The following SCAP variants were observed in gnomAD, a reference collection of about 807,000 sequenced individuals.
The protein encoded by SCAP is SREBF chaperone, also known as sterol regulatory element-binding protein cleavage-activating protein.
SCAP carries 65 observed loss-of-function variants against 123.6 expected under a neutral mutation model. The observed-to-expected ratio is 0.53, with a 90% CI of 0.43 to 0.65. The LOEUF is 0.65. Among genes scored for constraint, SCAP ranks in the 30% least tolerant of loss-of-function variants. The pLI is 0.00. For missense variants in SCAP, 1,398 were observed against 1,712.5 expected, an observed-to-expected ratio of 0.82 and a Z score of 3.24; for synonymous variants, 740 against 726.3, an observed-to-expected ratio of 1.02 and a Z score of -0.30.
At position 47,420,803 on chromosome 3, in the gene SCAP, T is replaced by C. The variant is rs1420037255; in HGVS notation, c.1345-31A>G. ...GGGGGCACAGTGGTCAGGGCCTGAGTCCACCATCCAGAGGCTGCTCGCACA... is the reference window on the plus strand; with the variant it reads ...GGGGGCACAGTGGTCAGGGCCTGAGCCCACCATCCAGAGGCTGCTCGCACA... On this transcript the variant is annotated intron_variant, in intron 11 of 22. Coordinates refer to ENST00000265565, the MANE Select transcript of SCAP (RefSeq NM_012235.4). The surrounding 1 kb of genome is among the most constrained non-coding windows in gnomAD (Gnocchi z 5.0). 6.2e-7 allele frequency: 1 copy of C among 1,603,518 alleles called. No individual in the cohort carries two copies. The highest frequency in any genetic ancestry group is 1.3e-5 in the African/African-American group (1 of 74,552).
intron 14 of SCAP, 37 bp downstream of exon 14, chr3:47,418,618 G>T (rs377014914): frequency 1.9e-5 from 9 of 469,584 alleles, no homozygotes; most frequent in Non-Finnish European, 2.7e-5. Flanking sequence ...CCCCCTCCCC[G>T]CACTCTTTCC....
At chr3:47,476,511 GAGA>G (rs1338992491), upstream of SCAP, among the ~76,000 whole-genome samples, 1 of 152,232 alleles carries the variant, frequency 6.6e-6, no homozygotes, top group Non-Finnish European at 1.5e-5. Flanking sequence ...AAATGCAGAT[GAGA>G]AGAATAAATA....
In SCAP at chr3:47,417,650, C is replaced by G. The variant is rs1339255701; in HGVS notation, c.2624G>C (p.Cys875Ser). The change falls in exon 17 of 23, where the codon TGC becomes TCC. Residue 875 changes from cysteine (C) to serine (S), a missense_variant. By Grantham distance (112) the Cys-to-Ser change is moderately radical. Transcript: ENST00000265565. The stretch of plus-strand genomic sequence containing the variant: ...CGCTGAAAAGTTGGTGTCAATTAAG[C>G]AGGTGAGGTCAGGCTGGTCCCCGAA... Reference protein sequence around the residue: ...SLFGDQPDLTCLIDTNFSAQP... With the variant: ...SLFGDQPDLTSLIDTNFSAQP... The G allele has an allele frequency of 6.2e-7, 1 of 1,608,338 alleles. No individual in the cohort carries two copies. Among genetic ancestry groups the G allele is most frequent in the East Asian group, 2.2e-5 (1 of 44,590 alleles).
In SCAP at chr3:47,413,999, A is replaced by G; in HGVS notation, c.3695T>C (p.Leu1232Pro). Reference sequence around the variant, plus strand: ...CTTCCCCAGGTAGACTGTCTGTAACAGGTCCCCGTAGTTTAGGTCCCAAAA... The same window carrying G: ...CTTCCCCAGGTAGACTGTCTGTAACGGGTCCCCGTAGTTTAGGTCCCAAAA... ...VSFWDLNYGD[L>P]LQTVYLGKNS... Residue 1232 changes from leucine to proline, a missense_variant, in exon 23 of 23, where the codon CTG (leucine) becomes CCG (proline). Leu to Pro is a moderately conservative substitution (Grantham distance 98). Around this residue, in one of 7 missense-constraint regions of SCAP, gnomAD observed 130 missense variants for 166.7 expected, o/e 0.78. Transcript: ENST00000265565. 6.2e-7 allele frequency: 1 copy of G among 1,613,306 alleles called. No individual in the cohort carries two copies. The highest frequency in any genetic ancestry group is 1.1e-5 in the South Asian group (1 of 91,092).
intron 20 of SCAP, 50 bp downstream of exon 20, chr3:47,414,777 C>A (rs1399146451): frequency 6.3e-7 from 1 of 1,598,790 alleles, no homozygotes; most frequent in Non-Finnish European, 8.5e-7. Context: ...CATCAGGCTC[C>A]CACCCCGTGC....
intron 1 of SCAP, among the ~76,000 whole-genome samples, chr3:47,472,450 A>T (rs894377541): frequency 5.1e-5 from 2 of 39,454 alleles, no homozygotes; most frequent in Non-Finnish European, 1.1e-4. Context: ...CAAAAAAAAA[A>T]AATAAAATAA....
Position 47,419,663 on chromosome 3 carries a change from GTC to G in SCAP, c.1603_1604del (p.Asp535ProfsTer20). ...VVWIGILVYTDPAGLRNYLAA... is the reference protein window; with the variant it reads ...VVWIGILVYTXPAGLRNYLAA... The stretch of plus-strand genomic sequence containing the variant: ...CGAGGTAGTTGCGCAGCCCTGCTGG[GTC>G]TGTGTATACCAGGATGCCAATCCAG... On this transcript the variant is annotated frameshift_variant, in exon 13 of 23. Transcript: ENST00000265565. LOFTEE classifies it high-confidence loss of function. The surrounding 1 kb of genome is among the most constrained non-coding windows in gnomAD (Gnocchi z 5.0). The G allele has an allele frequency of 6.4e-7, 1 of 1,554,006 alleles. No individual in the cohort carries two copies.
In SCAP at chr3:47,419,581, C is replaced by T. The variant is rs781460321; in HGVS notation, c.1687G>A (p.Val563Met). The T allele has an allele frequency of 9.3e-6, 15 of 1,610,446 alleles. No individual in the cohort carries two copies. The highest frequency in any genetic ancestry group is 4.5e-5 in the East Asian group (2 of 44,852). The change falls in exon 13 of 23, where the codon GTG (valine) becomes ATG (methionine). Residue 563 changes from valine (V) to methionine (M), a missense_variant. Val to Met is a conservative substitution (Grantham distance 21, BLOSUM62 1). Coordinates refer to ENST00000265565, the MANE Select transcript of SCAP (RefSeq NM_012235.4). The surrounding 1 kb of genome is among the most constrained non-coding windows in gnomAD (Gnocchi z 5.0). ...LGEGALAPMP[V>M]PSGMLPPSHP... is the part of the protein sequence containing the mutation. The stretch of plus-strand genomic sequence containing the variant: ...CTGGGGGGCAGCATGCCACTAGGCA[C>T]GGGCATGGGAGCCAGGGCTCCCTCA...
At chr3:47,461,277 T>A (rs1707631034) in intron 1 of SCAP, among the ~76,000 whole-genome samples, 1 of 152,202 alleles carries the variant, frequency 6.6e-6, no homozygotes, top group African/African-American at 2.4e-5. Flanking sequence ...TTCCCAAATA[T>A]TTGGTCAAAG....
chr3:47,422,628 T>C lies in SCAP; in HGVS notation c.1151-92A>G, dbSNP rs191811783. 492 of 1,097,696 alleles carry C rather than the reference T, an allele frequency of 4.5e-4. 3 individuals are homozygous for C. The African/African-American group carries it at 6.6e-3, about 15-fold the overall frequency. 68.0% of individuals were successfully genotyped at this position (1,097,696 alleles called of 1,614,324 possible). ...CATGGGCCTCGGAGTGGCAGAGGCA[T>C]GGCAAGGCCCCCCAGCCCTTTGAAG... On this transcript the variant is annotated intron_variant, in intron 9 of 22. Transcript: ENST00000265565.
chr3:47,455,594 C>CAAAAAAAAAA (rs544006040), intron 1 of SCAP, among the ~76,000 whole-genome samples: 21 of 42,340 alleles, frequency 5.0e-4, no homozygotes, highest in South Asian at 7.9e-4. Flanking sequence ...GACTCCACCT[C>CAAAAAAAAAA]AAAAAAAAAA....
chr3:47,462,012 C>T (rs758446082), intron 1 of SCAP, among the ~76,000 whole-genome samples: 2 of 151,948 alleles, frequency 1.3e-5, no homozygotes, highest in Non-Finnish European at 2.9e-5. Flanking sequence ...CCAGCCTGGG[C>T]GACAGAGTGA....
At chr3:47,424,599 T>A (rs1479106641) in intron 8 of SCAP, among the ~76,000 whole-genome samples, 1 of 152,176 alleles carries the variant, frequency 6.6e-6, no homozygotes, top group Admixed American at 6.5e-5. Flanking sequence ...AAAGTCTATG[T>A]GCGAGGAACG....
chr3:47,463,532 T>C (rs751037461), intron 1 of SCAP, among the ~76,000 whole-genome samples: 1 of 152,062 alleles, frequency 6.6e-6, no homozygotes, highest in Non-Finnish European at 1.5e-5. Flanking sequence ...TGAAACCTTG[T>C]GTCTACTAAA....
chr3:47,428,718 GAAGA>G, intron 3 of SCAP, 48 bp from the exon 4 acceptor site: 2 of 1,596,376 alleles, frequency 1.3e-6, no homozygotes, highest in African/African-American at 1.3e-5. Context: ...AGCACAGGAA[GAAGA>G]AAGACGGTCC....
intron 4 of SCAP, 122 bp downstream of exon 4, chr3:47,428,391 A>G (rs758526306): frequency 1.3e-4 from 141 of 1,057,100 alleles, no homozygotes; most frequent in Non-Finnish European, 1.9e-4. Context: ...CTCACCCTCC[A>G]TCCTTCTTGC....
rs775876475 is a variant in SCAP, at chr3:47,417,841, G to C, written c.2448-15C>G. 7.8e-7 allele frequency: 1 copy of C among 1,288,712 alleles called. No homozygotes were observed. The highest frequency in any genetic ancestry group is 1.0e-6 in the Non-Finnish European group (1 of 1,000,866). The allele number at this position is 1,288,712 out of a possible 1,614,324, so 79.8% of individuals were successfully genotyped here. ...GGCGCTGCCTGCTGGGGGCCAGGAG[G>C]GCGGAGTGAGAGGGGGCACGGGGGA... On this transcript the variant is annotated splice_polypyrimidine_tract_variant and intron_variant, in intron 16 of 22. Coordinates refer to ENST00000265565, the MANE Select transcript of SCAP (RefSeq NM_012235.4).
intron 1 of SCAP, among the ~76,000 whole-genome samples, chr3:47,444,932 T>C (rs1182684420): frequency 4.6e-5 from 7 of 150,654 alleles, no homozygotes; most frequent in Non-Finnish European, 1.0e-4. Flanking sequence ...CCACCACACC[T>C]GGCTAATTTT....
upstream of SCAP, chr3:47,476,253 A>G (rs1708269575): frequency 6.6e-6 from 1 of 152,228 alleles, no homozygotes; most frequent in Non-Finnish European, 1.5e-5. Flanking sequence ...GCTTGAGCCG[A>G]GGAGTTAGAG....
Sources: gnomAD v4.1 joint callset for allele counts (sites outside exome capture counted in the v4.1 genomes callset) on GRCh38, gnomAD v4.1.1 for gene constraint, gnomAD v4.1.1 regional missense constraint, Gnocchi (gnomAD v3.1) non-coding constraint, MANE v1.5 for transcripts, NCBI Gene and HGNC (gene_info 2026-07-23, HGNC 2026-07-21) for gene names.